The following TXLNG variants were observed in gnomAD, a reference collection of about 807,000 sequenced individuals.
TXLNG encodes the protein taxilin gamma.
A neutral mutation model predicts 38.8 loss-of-function variants in TXLNG; 5 were observed. That is an observed-to-expected ratio of 0.13 (90% CI 0.07 to 0.27). The LOEUF is 0.27. Ranked by LOEUF, TXLNG falls within the 10% of genes least tolerant of loss-of-function variation. The pLI is 1.00. For synonymous variants in TXLNG, 182 were observed against 158.2 expected, an observed-to-expected ratio of 1.15 and a Z score of -1.13; for missense variants, 393 against 398.2, an observed-to-expected ratio of 0.99 and a Z score of 0.11.
chrX:16,836,975 C>T (rs1278659346), intron 7 of TXLNG, among the ~76,000 whole-genome samples: 1 of 111,410 alleles, frequency 9.0e-6, no homozygotes, highest in Non-Finnish European at 1.9e-5. Context: ...CCGTATACTT[C>T]TCTGGACTCC....
At chrX:16,800,621 A>G (rs1420148489) in intron 1 of TXLNG, among the ~76,000 whole-genome samples, 3 of 104,190 alleles carry the variant, frequency 2.9e-5, no homozygotes, top group Admixed American at 1.1e-4. Context: ...CTGGAGTGCA[A>G]TTGCGTTATC....
chrX:16,809,127 C>A (rs750837745), intron 1 of TXLNG, among the ~76,000 whole-genome samples: 1 of 111,014 alleles, frequency 9.0e-6, no homozygotes, highest in Non-Finnish European at 1.9e-5. Flanking sequence ...TTAGCAAATG[C>A]ATGCAGCTCT....
chrX:16,799,560 CAGGAG>C (rs1489958126), intron 1 of TXLNG, among the ~76,000 whole-genome samples: 1 of 111,104 alleles, frequency 9.0e-6, no homozygotes, highest in Non-Finnish European at 1.9e-5. Flanking sequence ...ATCACGAGGT[CAGGAG>C]TTCGAGACCA....
chrX:16,803,461 T>C (rs1928193266), intron 1 of TXLNG: 1 of 104,853 alleles, frequency 9.5e-6, no homozygotes, highest in Non-Finnish European at 2.0e-5. Flanking sequence ...TTCACGCCAT[T>C]CTCCTGCCTC....
chrX:16,841,088 G>A (rs1414620930), intron 9 of TXLNG, among the ~76,000 whole-genome samples: 6 of 108,796 alleles, frequency 5.5e-5, no homozygotes, highest in Non-Finnish European at 7.6e-5. Flanking sequence ...CCAGTTACTC[G>A]GGATGCTGAG....
intron 2 of TXLNG, among the ~76,000 whole-genome samples, chrX:16,819,304 G>A (rs1480838781): frequency 1.8e-5 from 2 of 110,428 alleles, no homozygotes; most frequent in Non-Finnish European, 1.9e-5. Context: ...AGGTCTTATT[G>A]GCCTTGGGTT....
intron 4 of TXLNG, among the ~76,000 whole-genome samples, chrX:16,829,333 T>C (rs1331102434): frequency 9.0e-6 from 1 of 111,479 alleles, no homozygotes; most frequent in Non-Finnish European, 1.9e-5. Context: ...TAGAGTGAAT[T>C]GTAGACAGCC....
intron 3 of TXLNG, among the ~76,000 whole-genome samples, chrX:16,826,708 G>A (rs62586587): frequency 0.47 from 51,585 of 109,763 alleles, 9,186 homozygotes; most frequent in East Asian, 0.84. Flanking sequence ...CGAGGTGGGC[G>A]GATCACCTGA....
intron 1 of TXLNG, among the ~76,000 whole-genome samples, chrX:16,817,291 G>A (rs531653759): frequency 3.6e-5 from 4 of 112,254 alleles, no homozygotes; most frequent in African/African-American, 9.7e-5. Context: ...AGTTAACTGG[G>A]TTAGAAGGTA....
intron 1 of TXLNG, 41 bp from the exon 2 acceptor site, chrX:16,818,533 A>T (rs1602381783): frequency 8.6e-7 from 1 of 1,159,916 alleles, no homozygotes; most frequent in Non-Finnish European, 1.2e-6. Context: ...CATTAGATTT[A>T]ACCCCTTCTC....
At chrX:16,799,121 C>T (rs1333216622) in intron 1 of TXLNG, among the ~76,000 whole-genome samples, 1 of 110,573 alleles carries the variant, frequency 9.0e-6, no homozygotes, top group Non-Finnish European at 1.9e-5. Flanking sequence ...TCAGGTGATC[C>T]GCGCACCTCG....
rs1003051446 is a variant in TXLNG, at chrX:16,843,781, G to C, written c.*2015G>C. The C allele has an allele frequency of 9.0e-6, 1 of 111,704 alleles. No homozygotes were observed. Among genetic ancestry groups the C allele is most frequent in the Non-Finnish European group, 1.9e-5 (1 of 53,183 alleles). 9.2% of individuals were successfully genotyped at this position (111,704 alleles called of 1,213,427 possible). On this transcript the variant is annotated 3_prime_UTR_variant, in exon 10 of 10. Transcript: ENST00000380122. ...TAACAGTACTTGGCCTGCTGCTTTT[G>C]GCTTACTTTGTATTTTTAGCTAGAT...
intron 1 of TXLNG, among the ~76,000 whole-genome samples, chrX:16,804,883 A>G (rs1490415235): frequency 8.8e-5 from 9 of 102,617 alleles, no homozygotes; most frequent in Non-Finnish European, 1.6e-4. Flanking sequence ...GTAATTTCTC[A>G]TACCTCACTG....
chrX:16,795,543 C>T (rs1414964324), intron 1 of TXLNG, among the ~76,000 whole-genome samples: 1 of 111,816 alleles, frequency 8.9e-6, no homozygotes, highest in East Asian at 2.8e-4. Flanking sequence ...GTTCCCTCAT[C>T]CCTTAGTTTA....
intron 3 of TXLNG, among the ~76,000 whole-genome samples, chrX:16,821,093 A>G (rs1381560354): frequency 2.9e-5 from 3 of 102,379 alleles, no homozygotes; most frequent in Non-Finnish European, 5.9e-5. Context: ...TACAGGTATT[A>G]CAGGTAGCAT....
At chrX:16,793,847 A>G (rs768480512) in intron 1 of TXLNG, among the ~76,000 whole-genome samples, 3 of 108,629 alleles carry the variant, frequency 2.8e-5, no homozygotes, top group East Asian at 2.9e-4. Flanking sequence ...GGGTCTTCCT[A>G]TGTTGCGCAG....
intron 3 of TXLNG, among the ~76,000 whole-genome samples, chrX:16,823,936 ACT>A (rs138792252): frequency 0.29 from 32,188 of 109,359 alleles, 4,673 homozygotes; most frequent in Middle Eastern, 0.48. Flanking sequence ...TTGGCCCTTT[ACT>A]CTCTATAGAT....
chrX:16,841,506 A>G lies in TXLNG; in HGVS notation c.1327A>G (p.Thr443Ala). 2 of 1,211,926 alleles carry G rather than the reference A, an allele frequency of 1.7e-6. No individual in the cohort carries two copies. Among genetic ancestry groups the G allele is most frequent in the Non-Finnish European group, 2.2e-6 (2 of 895,535 alleles). Residue 443 changes from threonine (T) to alanine (A), a missense_variant, in exon 10 of 10, where the codon ACA (threonine) becomes GCA (alanine). By Grantham distance (58) the Thr-to-Ala change is moderately conservative. Coordinates refer to ENST00000380122, the MANE Select transcript of TXLNG (RefSeq NM_018360.3). ...AGAGAAGCTGTGCAGGGCTCTTCAG[A>G]CAGAAAGGAATGAGCTCAATGAGAA... The part of the protein sequence containing the change: ...RLEKLCRALQ[T>A]ERNELNEKVE...
chrX:16,790,675 TAAC>T (rs1177260835), intron 1 of TXLNG, among the ~76,000 whole-genome samples: 1 of 112,156 alleles, frequency 8.9e-6, no homozygotes, highest in African/African-American at 3.2e-5. Flanking sequence ...AGGCCCAAAT[TAAC>T]AAAATCTTGC....
Sources: gnomAD v4.1 joint callset for allele counts (sites outside exome capture counted in the v4.1 genomes callset) on GRCh38, gnomAD v4.1.1 for gene constraint, MANE v1.5 for transcripts, NCBI Gene and HGNC (gene_info 2026-07-23, HGNC 2026-07-21) for gene names.